The following CYB561A3 variants were observed in gnomAD, a reference collection of about 807,000 sequenced individuals.
CYB561A3 encodes the protein cytochrome b561 family member A3, also known as lysosomal membrane ascorbate-dependent ferrireductase CYB561A3.
In CYB561A3, 16 loss-of-function variants were observed where a neutral mutation model predicts 25.3. That is an observed-to-expected ratio of 0.63 (90% confidence interval 0.43 to 0.96). CYB561A3 has a LOEUF of 0.96. Among genes scored for constraint, CYB561A3 ranks in the 40% least tolerant of loss-of-function variants. The probability of loss-of-function intolerance (pLI) is 0.00; values close to 1 mark genes in which losing one functional copy is unlikely to be tolerated. For synonymous variants in CYB561A3, 131 were observed against 129.9 expected, an observed-to-expected ratio of 1.01 and a Z score of -0.06; for missense variants, 219 against 307.5, an observed-to-expected ratio of 0.71 and a Z score of 2.15.
intron 4 of CYB561A3, chr11:61,353,423 C>A (rs549357173): frequency 1.5e-5 from 9 of 610,344 alleles, no homozygotes; most frequent in Non-Finnish European, 2.7e-5. Flanking sequence ...ACTCTTCACT[C>A]GCACAGGCCT....
intron 3 of CYB561A3, chr11:61,354,751 T>C (rs566043755): frequency 1.6e-4 from 24 of 152,328 alleles, no homozygotes; most frequent in African/African-American, 5.5e-4. Context: ...TGACAGTCAT[T>C]GTTTCATCAA....
chr11:61,359,191 T>C (rs1396121324), intron 1 of CYB561A3: 2 of 144,540 alleles, frequency 1.4e-5, no homozygotes, highest in African/African-American at 5.2e-5. Context: ...GCCACTGCTC[T>C]CCAGCCTGGG....
intron 3 of CYB561A3, chr11:61,354,248 T>C (rs950205474): frequency 7.8e-6 from 4 of 515,586 alleles, no homozygotes; most frequent in Non-Finnish European, 1.4e-5. Context: ...CCAGCACTTT[T>C]TGGGAGGCCA....
chr11:61,354,224 T>A lies in CYB561A3; in HGVS notation c.185-232A>T, dbSNP rs1335013545. On this transcript the variant is annotated intron_variant, in intron 3 of 6. Transcript: ENST00000294072. ...GGGAGGAGTGGTCAGGCAAGGTGGC[T>A]CATGCCTGTAATTCCAGCACTTTTT... The A allele has an allele frequency of 1.2e-5, 7 of 565,528 alleles. No individual in the cohort carries two copies. The South Asian group carries it at 1.4e-4, about 12-fold the overall frequency. The allele number at this position is 565,528 out of a possible 1,614,324, so 35.0% of individuals were successfully genotyped here.
chr11:61,353,284 C>T lies in CYB561A3; in HGVS notation c.394-145G>A, dbSNP rs575741194. On this transcript the variant is annotated intron_variant, in intron 4 of 6. Coordinates refer to ENST00000294072, the MANE Select transcript of CYB561A3 (RefSeq NM_153611.6). ...CCACCTGGCATTGCCCACTACCGTG[C>T]TAGCTTCCTCATTGTGGCCTATTAC... The T allele has an allele frequency of 1.8e-5, 19 of 1,051,184 alleles. No individual in the cohort carries two copies. In the South Asian group the frequency reaches 3.1e-4, roughly 17 times the overall value. The allele number at this position is 1,051,184 out of a possible 1,614,324, so 65.1% of individuals were successfully genotyped here.
intron 2 of CYB561A3, chr11:61,357,326 T>G: frequency 1.8e-4 from 188 of 1,069,278 alleles, no homozygotes; most frequent in Non-Finnish European, 2.2e-4. Flanking sequence ...AACCAGCTGA[T>G]GCCCCTCAGC....
At chr11:61,350,827 G>T in intron 6 of CYB561A3, 164 bp downstream of exon 6, 1 of 978,176 alleles carries the variant, frequency 1.0e-6, no homozygotes, top group Non-Finnish European at 1.5e-6. Flanking sequence ...GCGCTGGTTT[G>T]GGACCAGTGC....
At chr11:61,356,422 C>A in intron 3 of CYB561A3, 108 bp downstream of exon 3, 2 of 728,386 alleles carry the variant, frequency 2.7e-6, no homozygotes, top group Non-Finnish European at 4.1e-6. Context: ...CCCACCCTAC[C>A]CCCATAGCCC....
At chr11:61,358,072 G>A (rs1235746075) in intron 1 of CYB561A3, 1 of 152,270 alleles carries the variant, frequency 6.6e-6, no homozygotes, top group Non-Finnish European at 1.5e-5. Flanking sequence ...CTTGACCACA[G>A]GTTGTCAGAT....
At position 61,348,992 on chromosome 11, in the gene CYB561A3, G is replaced by T. The variant is rs999049171; in HGVS notation, c.*1407C>A. 5.1e-5 allele frequency: 8 copies of T among 156,430 alleles called. No individual in the cohort carries two copies. Among genetic ancestry groups the T allele is most frequent in the African/African-American group, 1.9e-4 (8 of 41,538 alleles). The allele number at this position is 156,430 out of a possible 1,614,324, so 9.7% of individuals were successfully genotyped here. A position where few individuals can be genotyped will look rare whatever the true frequency, so the allele number is the denominator to read the frequency against. ...CAACATCTGGCAATGTGAGGCTGGG[G>T]TGGACGTTGGCCTGATGTTGCCAGG... On this transcript the variant is annotated 3_prime_UTR_variant, in exon 7 of 7. Coordinates refer to ENST00000294072, the MANE Select transcript of CYB561A3 (RefSeq NM_153611.6).
intron 3 of CYB561A3, 101 bp downstream of exon 3, chr11:61,356,412 CCCACCCTACCCCCATAG>C: frequency 6.1e-6 from 2 of 328,988 alleles, no homozygotes; most frequent in Non-Finnish European, 1.2e-5. Flanking sequence ...GACAGCCCAA[CCCACCCTACCCCCATAG>C]CCCCAAGCCC....
In CYB561A3 at chr11:61,349,878, G is replaced by C; in HGVS notation, c.*521C>G. On this transcript the variant is annotated 3_prime_UTR_variant, in exon 7 of 7. Coordinates refer to ENST00000294072, the MANE Select transcript of CYB561A3 (RefSeq NM_153611.6). ...GCCTAACTGAAATGCACACCTTTATGGGGGAAGTGGACGGACACCTCACCT... is the reference window on the plus strand; with the variant it reads ...GCCTAACTGAAATGCACACCTTTATCGGGGAAGTGGACGGACACCTCACCT... The C allele has an allele frequency of 1.8e-6, 1 of 548,466 alleles. No homozygotes were observed. The highest frequency in any genetic ancestry group is 3.3e-6 in the Non-Finnish European group (1 of 303,148). The allele number at this position is 548,466 out of a possible 1,614,324, so 34.0% of individuals were successfully genotyped here.
In CYB561A3 at chr11:61,349,890, C is replaced by T. The variant is rs1424098396; in HGVS notation, c.*509G>A. On this transcript the variant is annotated 3_prime_UTR_variant, in exon 7 of 7. Transcript: ENST00000294072. The stretch of plus-strand genomic sequence containing the variant: ...TGCACACCTTTATGGGGGAAGTGGA[C>T]GGACACCTCACCTCCCTCATGTTTC... 1.3e-5 allele frequency: 7 copies of T among 530,176 alleles called. No homozygotes were observed. Among genetic ancestry groups the T allele is most frequent in the South Asian group, 2.1e-5 (1 of 48,348 alleles). 32.8% of individuals were successfully genotyped at this position (530,176 alleles called of 1,614,324 possible).
intron 3 of CYB561A3, chr11:61,354,311 C>T (rs1857553751): frequency 5.5e-6 from 2 of 365,642 alleles, no homozygotes; most frequent in Non-Finnish European, 1.0e-5. Flanking sequence ...GAGCTATGAT[C>T]ATGCCACTGC....
intron 2 of CYB561A3, 155 bp from the exon 3 acceptor site, chr11:61,356,883 C>G (rs1019834723): frequency 1.8e-5 from 26 of 1,448,088 alleles, no homozygotes; most frequent in Non-Finnish European, 2.3e-5. Context: ...CCGCCCGAGG[C>G]CTCAATGCCT....
At position 61,353,146 on chromosome 11, in the gene CYB561A3, A is replaced by G; in HGVS notation, c.394-7T>C. The G allele has an allele frequency of 6.3e-7, 1 of 1,597,606 alleles. No homozygotes were observed. Among genetic ancestry groups the G allele is most frequent in the Non-Finnish European group, 8.5e-7 (1 of 1,172,900 alleles). On this transcript the variant is annotated splice_region_variant and splice_polypyrimidine_tract_variant and intron_variant, in intron 4 of 6. Coordinates refer to ENST00000294072, the MANE Select transcript of CYB561A3 (RefSeq NM_153611.6). ...CAGCAAAGCCCAGGAACCACTGTGGACAAAAGGGAGGACACACCCGACTGT... is the reference window on the plus strand; with the variant it reads ...CAGCAAAGCCCAGGAACCACTGTGGGCAAAAGGGAGGACACACCCGACTGT...
At position 61,350,660 on chromosome 11, in the gene CYB561A3, G is replaced by C. The variant is rs920216114; in HGVS notation, c.706-238C>G. ...ACCCATCCCACTAGACTAGCCCCCA[G>C]GCTGGTAAAGGAGAAATCACACACC... On this transcript the variant is annotated intron_variant, in intron 6 of 6. Transcript: ENST00000294072. The C allele has an allele frequency of 8.3e-6, 5 of 603,736 alleles. No homozygotes were observed. The Admixed American group carries it at 1.5e-4, about 18-fold the overall frequency. The allele number at this position is 603,736 out of a possible 1,614,324, so 37.4% of individuals were successfully genotyped here.
intron 4 of CYB561A3, 81 bp from the exon 5 acceptor site, chr11:61,353,220 T>C: frequency 6.7e-7 from 1 of 1,481,818 alleles, no homozygotes; most frequent in Non-Finnish European, 9.0e-7. Context: ...CTCCTCCCCA[T>C]CTCTGCTCCC....
chr11:61,357,492 T>C, intron 2 of CYB561A3: 2 of 439,128 alleles, frequency 4.6e-6, no homozygotes, highest in Non-Finnish European at 8.2e-6. Flanking sequence ...GTTTCAGGCA[T>C]GGCAAATGCT....
Sources: allele counts gnomAD v4.1 joint callset, GRCh38; gene constraint gnomAD v4.1.1; transcripts MANE v1.5; gene names NCBI Gene and HGNC (gene_info 2026-07-23, HGNC 2026-07-21).